Variants in HERC2 observed in about 807,000 individuals in gnomAD.
HERC2 encodes the protein E3 ubiquitin-protein ligase HERC2.
Under a neutral mutation model 537.7 loss-of-function variants are expected in HERC2, and 102 were observed. That is an observed-to-expected ratio of 0.19 (90% CI 0.16 to 0.22). The LOEUF (loss-of-function observed/expected upper bound fraction) is 0.22, where lower values mean the gene tolerates loss of function less well. Ranked by LOEUF, HERC2 falls within the 10% of genes least tolerant of loss-of-function variation. The pLI, the probability that HERC2 is intolerant of heterozygous loss-of-function variation, is 1.00. For synonymous variants in HERC2, 2,224 were observed against 2,466.2 expected (o/e 0.90, Z 2.91); for missense variants, 4,236 against 6,198.2 (o/e 0.68, Z 10.63).
chr15:28,149,929 G>A lies in HERC2; in HGVS notation c.10900+2748C>T, dbSNP rs146342296. 3.7e-3 allele frequency among the ~76,000 whole-genome samples: 536 copies of A among 142,988 alleles called. 2 individuals are homozygous for A. Among genetic ancestry groups the A allele is most frequent in the African/African-American group, 0.013 (503 of 38,662 alleles). The allele number at this position is 142,988 out of a possible 152,430, so 93.8% of individuals were successfully genotyped here. A position where few individuals can be genotyped will look rare whatever the true frequency, so the allele number is the denominator to read the frequency against. ...CATCACCAAGAACAGCCACACGAAC[G>A]CACATTCTAGTAAAATTACCAAAAA... On this transcript the variant is annotated intron_variant, in intron 70 of 92. Transcript: ENST00000261609.
chr15:28,224,684 C>T (rs1489413348), intron 35 of HERC2, among the ~76,000 whole-genome samples: 1 of 152,100 alleles, frequency 6.6e-6, no homozygotes, highest in African/African-American at 2.4e-5. Flanking sequence ...GAACATCTCA[C>T]CAAAAAGAGC....
At chr15:28,300,061 A>AT (rs3041289) in intron 2 of HERC2, among the ~76,000 whole-genome samples, 3 of 151,148 alleles carry the variant, frequency 2.0e-5, no homozygotes, top group Non-Finnish European at 3.0e-5. Context: ...TTAAAAAAAA[A>AT]AAAAAAAGAA....
In HERC2 at chr15:28,113,810, T is replaced by C. The variant is rs558081088; in HGVS notation, c.13914-132A>G. Reference sequence around the variant, plus strand: ...GGAGAACAGAGGGAGCAGCTCCAGATGGCATGAGCATGCTTAGCAGCTCGG... The same window carrying C: ...GGAGAACAGAGGGAGCAGCTCCAGACGGCATGAGCATGCTTAGCAGCTCGG... On this transcript the variant is annotated intron_variant, in intron 90 of 92. Coordinates refer to ENST00000261609, the MANE Select transcript of HERC2 (RefSeq NM_004667.6). The surrounding 1 kb of genome is among the most constrained non-coding windows in gnomAD (Gnocchi z 7.0). 2 of 711,924 alleles carry C rather than the reference T, an allele frequency of 2.8e-6. No homozygotes were observed. Among genetic ancestry groups the C allele is most frequent in the East Asian group, 2.7e-5 (1 of 36,878 alleles). 44.1% of individuals were successfully genotyped at this position (711,924 alleles called of 1,614,324 possible).
rs1888985658 is a variant in HERC2, at chr15:28,122,182, G to A, written c.13189-753C>T. Among the ~76,000 whole-genome samples, 2 of 152,354 alleles carry A rather than the reference G, an allele frequency of 1.3e-5. No homozygotes were observed. The highest frequency in any genetic ancestry group is 2.1e-4 in the South Asian group (1 of 4,826). On this transcript the variant is annotated intron_variant, in intron 85 of 92. Coordinates refer to ENST00000261609, the MANE Select transcript of HERC2 (RefSeq NM_004667.6). This position sits in a 1 kb window ranked among gnomAD's most constrained non-coding sequence, Gnocchi z 4.1. ...GAGTGCCTGGGGTGAAGACAGCAGGGCGTGGCCAAACATCAGCACCACGGT... is the reference window on the plus strand; with the variant it reads ...GAGTGCCTGGGGTGAAGACAGCAGGACGTGGCCAAACATCAGCACCACGGT...
intron 2 of HERC2, chr15:28,315,959 T>C (rs2077071267): frequency 2.5e-6 from 1 of 394,620 alleles, no homozygotes; most frequent in Non-Finnish European, 5.0e-6. Context: ...AAAATGCCCA[T>C]GTTGGACCTC....
Position 28,248,543 on chromosome 15 carries a change from G to A in HERC2, c.3235+9C>T. 6.2e-7 allele frequency: 1 copy of A among 1,608,066 alleles called. No homozygotes were observed. Among genetic ancestry groups the A allele is most frequent in the Non-Finnish European group, 8.5e-7 (1 of 1,174,990 alleles). On this transcript the variant is annotated intron_variant, in intron 21 of 92. Coordinates refer to ENST00000261609, the MANE Select transcript of HERC2 (RefSeq NM_004667.6). Reference sequence around the variant, plus strand: ...CATACAAGACACTTTCACATTTTAAGCAACTTACTAGAAATATCTGAGGTC... The same window carrying A: ...CATACAAGACACTTTCACATTTTAAACAACTTACTAGAAATATCTGAGGTC...
At chr15:28,163,054 G>A in intron 69 of HERC2, 40 bp downstream of exon 69, 1 of 1,536,922 alleles carries the variant, frequency 6.5e-7, no homozygotes, top group Non-Finnish European at 8.8e-7. Flanking sequence ...CCAACATGGA[G>A]GAGGTGGAAT....
chr15:28,215,474 T>C (rs61460557), intron 39 of HERC2, 147 bp downstream of exon 39: 84,798 of 597,146 alleles, frequency 0.14, 14,306 homozygotes, highest in African/African-American at 0.55. Context: ...CAAGGACCTC[T>C]GCCCCTTGCC....
Position 28,169,521 on chromosome 15 carries a change from A to G in HERC2, c.10192T>C (p.Ser3398Pro), listed in dbSNP as rs1240228359. ...DGNLAKQQAL[S>P]HILTALQIMY... is the part of the protein sequence containing the mutation. ...ATTTGCAATGCTGTAAGAATATGTG[A>G]TAAGGCCTGCTGTTTGGCCAGATTT... is the stretch of plus-strand genomic sequence containing the variant. The change falls in exon 66 of 93, where the codon TCA becomes CCA. Residue 3398 changes from serine to proline, a missense_variant. Physicochemically the swap from Ser to Pro is moderately conservative, Grantham distance 74. This residue lies in a region of HERC2 where 356 missense variants were observed against 450.9 expected (regional missense o/e 0.79). Transcript: ENST00000261609. The G allele has an allele frequency of 1.2e-6, 2 of 1,611,234 alleles. No homozygotes were observed. Among genetic ancestry groups the G allele is most frequent in the Non-Finnish European group, 8.5e-7 (1 of 1,178,116 alleles).
rs1364541512 is a variant in HERC2 at position 28,248,640 on chromosome 15, A to C, written c.3147T>G (p.Ala1049=). Residue 1049 remains alanine (A), a synonymous_variant, in exon 21 of 93, where the codon GCT becomes GCG. Coordinates refer to ENST00000261609, the MANE Select transcript of HERC2 (RefSeq NM_004667.6). The stretch of plus-strand genomic sequence containing the variant: ...GAAAACGCAGTAACAAATCCAATGA[A>C]GCAGATCTTTCACGACTGTGTTGCT... The part of the protein sequence containing the change: ...DFEQHSRERS[A]SLDLLLRFQR... The C allele has an allele frequency of 1.9e-6, 3 of 1,613,970 alleles. No individual in the cohort carries two copies. Among genetic ancestry groups the C allele is most frequent in the Non-Finnish European group, 2.5e-6 (3 of 1,179,794 alleles).
rs77631111 is a variant in HERC2, at chr15:28,183,226, T to C, written c.8826-714A>G. 4.1e-4 allele frequency among the ~76,000 whole-genome samples: 63 copies of C among 152,240 alleles called. 1 individual carries two copies. The East Asian group carries it at 0.01, about 25-fold the overall frequency. ...GGAGTTTATTTATTTTTTGTTTGTT[T>C]TGAGACAGGGTCATGCTCTGTCACT... On this transcript the variant is annotated intron_variant, in intron 56 of 92. Transcript: ENST00000261609.
intron 24 of HERC2, 90 bp from the exon 25 acceptor site, chr15:28,238,307 G>T: frequency 2.0e-6 from 2 of 1,024,826 alleles, no homozygotes; most frequent in Non-Finnish European, 3.1e-6. Context: ...TAAGTTAGGC[G>T]CTTAACTCAA....
At chr15:28,120,051 G>A (rs964482262) in intron 86 of HERC2, among the ~76,000 whole-genome samples, 4 of 152,158 alleles carry the variant, frequency 2.6e-5, no homozygotes, top group South Asian at 4.2e-4. Flanking sequence ...GCACTCAATC[G>A]CGGGGGTTAG....
Position 28,198,589 on chromosome 15 carries a change from G to C in HERC2, c.7885+12C>G, listed in dbSNP as rs1460881258. ...AGAAAAAACAAAAGCACTGAACAAA[G>C]AATGTGCTCACCTATAAGTTCCACA... On this transcript the variant is annotated intron_variant, in intron 49 of 92. Transcript: ENST00000261609. 6.2e-7 allele frequency: 1 copy of C among 1,610,768 alleles called. No individual in the cohort carries two copies. The highest frequency in any genetic ancestry group is 1.7e-5 in the Admixed American group (1 of 59,540).
chr15:28,317,389 G>C (rs914363372), intron 2 of HERC2, among the ~76,000 whole-genome samples: 7 of 152,114 alleles, frequency 4.6e-5, no homozygotes, highest in African/African-American at 1.2e-4. Context: ...GCGCCCAGCC[G>C]AAGTGACAAT....
intron 53 of HERC2, 72 bp from the exon 54 acceptor site, chr15:28,191,316 C>T (rs1896834675): frequency 5.5e-6 from 5 of 915,886 alleles, no homozygotes; most frequent in South Asian, 4.4e-5. Context: ...ACAATAGTAT[C>T]GTTGAAGCTT....
At chr15:28,316,614 G>C (rs564230518) in intron 2 of HERC2, among the ~76,000 whole-genome samples, 2 of 152,214 alleles carry the variant, frequency 1.3e-5, no homozygotes, top group African/African-American at 2.4e-5. Flanking sequence ...GGATATTAGA[G>C]GTAAAAACCA....
chr15:28,170,289 T>C (rs1894559420), intron 65 of HERC2, among the ~76,000 whole-genome samples: 1 of 152,216 alleles, frequency 6.6e-6, no homozygotes, highest in African/African-American at 2.4e-5. Flanking sequence ...TCAAAAGTTG[T>C]AATACCATAA....
chr15:28,171,241 C>G (rs1894665117), intron 65 of HERC2, among the ~76,000 whole-genome samples: 1 of 152,120 alleles, frequency 6.6e-6, no homozygotes, highest in Non-Finnish European at 1.5e-5. Context: ...TCCAAATGTC[C>G]TTCGATGGTT....
Sources: allele counts gnomAD v4.1 joint callset (sites outside exome capture counted in the v4.1 genomes callset), GRCh38; gene constraint gnomAD v4.1.1; regional missense constraint gnomAD v4.1.1; non-coding constraint Gnocchi (gnomAD v3.1); transcripts MANE v1.5; gene names NCBI Gene and HGNC (gene_info 2026-07-23, HGNC 2026-07-21).